USP13: variants seen among roughly 807,000 people sequenced by gnomAD.
The protein encoded by USP13 is ubiquitin specific peptidase 13, also known as ubiquitin carboxyl-terminal hydrolase 13.
USP13 carries 68 observed loss-of-function variants against 107.8 expected under a neutral mutation model. The observed-to-expected ratio is 0.63, with a 90% CI of 0.52 to 0.77. The LOEUF (loss-of-function observed/expected upper bound fraction) is 0.77. Ranked by LOEUF, USP13 falls within the 30% of genes least tolerant of loss-of-function variation. USP13 has a pLI of 0.00. For synonymous variants in USP13, 377 were observed against 389.5 expected (o/e 0.97, Z 0.38); for missense variants, 945 against 1,093.3 (o/e 0.86, Z 1.91).
chr3:179,704,570 A>G (rs1026113120), intron 4 of USP13, among the ~76,000 whole-genome samples: 1 of 152,130 alleles, frequency 6.6e-6, no homozygotes, highest in African/African-American at 2.4e-5. Flanking sequence ...TGGGCTACTC[A>G]CAGTCAGGAA....
In USP13 at chr3:179,760,408, C is replaced by G. The variant is rs1335652321; in HGVS notation, c.1949-704C>G. On this transcript the variant is annotated intron_variant, in intron 16 of 20. Coordinates refer to ENST00000263966, the MANE Select transcript of USP13 (RefSeq NM_003940.3). ...ATGCCATTCTCCTGCCTCAGCCTCC[C>G]GAGTAGCTGGGATTACAGGTGCCCA... 2.6e-5 allele frequency among the ~76,000 whole-genome samples: 4 copies of G among 151,702 alleles called. No homozygotes were observed. In the South Asian group the frequency reaches 8.3e-4, roughly 32 times the overall value.
intron 3 of USP13, 146 bp from the exon 4 acceptor site, chr3:179,700,858 TGGAC>T: frequency 1.2e-6 from 1 of 864,860 alleles, no homozygotes; most frequent in Non-Finnish European, 1.7e-6. Flanking sequence ...TGAGGACAGA[TGGAC>T]GGCCCTGTCA....
At position 179,740,330 on chromosome 3, in the gene USP13, A is replaced by G. The variant is rs1419432703; in HGVS notation, c.1338A>G (p.Gln446=). The G allele has an allele frequency of 2.5e-6, 4 of 1,614,166 alleles. No homozygotes were observed. The highest frequency in any genetic ancestry group is 3.4e-6 in the Non-Finnish European group (4 of 1,180,030). The change falls in exon 11 of 21, where the codon CAA becomes CAG. Residue 446 remains glutamine, a synonymous_variant. Transcript: ENST00000263966. ...SHPEFSSNRQ[Q]DAQEFFLHLV... ...CGGAATTCTCCTCTAACAGGCAGCA[A>G]GATGCCCAGGAATTCTTCTTGCACC...
chr3:179,685,651 A>G (rs1711844932), intron 2 of USP13, among the ~76,000 whole-genome samples: 1 of 151,928 alleles, frequency 6.6e-6, no homozygotes, highest in Non-Finnish European at 1.5e-5. Context: ...AAAAAAAGAA[A>G]GAAACAGAGG....
intron 19 of USP13, among the ~76,000 whole-genome samples, chr3:179,776,424 G>A (rs73885944): frequency 0.013 from 2,008 of 152,208 alleles, 52 homozygotes; most frequent in African/African-American, 0.047. Context: ...TTTTTAAACA[G>A]TCCTTTCTCA....
At chr3:179,731,873 G>A (rs1310673001) in intron 10 of USP13, among the ~76,000 whole-genome samples, 1 of 152,162 alleles carries the variant, frequency 6.6e-6, no homozygotes, top group African/African-American at 2.4e-5. Context: ...TGTCTCAAGT[G>A]TTTATCTTAA....
At chr3:179,682,073 A>C in intron 2 of USP13, 70 bp downstream of exon 2, 176 of 1,513,696 alleles carry the variant, frequency 1.2e-4, no homozygotes, top group Non-Finnish European at 1.4e-4. Context: ...GTGCTTTCTC[A>C]CGTGGAAATT....
At chr3:179,671,793 G>A (rs1340768828) in intron 1 of USP13, among the ~76,000 whole-genome samples, 2 of 152,006 alleles carry the variant, frequency 1.3e-5, no homozygotes, top group Non-Finnish European at 2.9e-5. Flanking sequence ...CGGTGTTCTG[G>A]TCTTCTTGGC....
intron 6 of USP13, among the ~76,000 whole-genome samples, chr3:179,714,817 T>C (rs909763973): frequency 6.6e-6 from 1 of 152,152 alleles, no homozygotes; most frequent in East Asian, 1.9e-4. Flanking sequence ...TTTCCTTTCC[T>C]GACTACAGTC....
chr3:179,774,894 T>C (rs150860878), intron 19 of USP13, among the ~76,000 whole-genome samples: 65 of 152,236 alleles, frequency 4.3e-4, no homozygotes, highest in Non-Finnish European at 5.3e-4. Context: ...AGACACAGAG[T>C]GCTGATTGGT....
Position 179,776,385 on chromosome 3 carries a change from C to A in USP13, c.2414-5354C>A, listed in dbSNP as rs368998384. Among the ~76,000 whole-genome samples, 124 of 152,270 alleles carry A rather than the reference C, an allele frequency of 8.1e-4. 2 individuals carry two copies. The South Asian group carries it at 0.025, about 31-fold the overall frequency. ...GACATTGAAAGGGTATGCTGCCCAC[C>A]TCTTTTACCTTCCAAGTTTCATAAA... On this transcript the variant is annotated intron_variant, in intron 19 of 20. Transcript: ENST00000263966.
Position 179,761,150 on chromosome 3 carries a change from G to T in USP13, c.1987G>T (p.Glu663Ter). 1 of 1,614,190 alleles carries T rather than the reference G, an allele frequency of 6.2e-7. No homozygotes were observed. Among genetic ancestry groups the T allele is most frequent in the Non-Finnish European group, 8.5e-7 (1 of 1,180,044 alleles). ...IDESSVMQLA[E>*]MGFPLEACRK... ...TGAGTCATCAGTGATGCAGCTGGCCGAGATGGGTTTCCCGCTGGAAGCATG... is the reference window on the plus strand; with the variant it reads ...TGAGTCATCAGTGATGCAGCTGGCCTAGATGGGTTTCCCGCTGGAAGCATG... Residue 663 changes from glutamate (E) to a stop codon, truncating the protein, a stop_gained, in exon 17 of 21, where the codon GAG becomes TAG. Transcript: ENST00000263966. LOFTEE classifies it high-confidence loss of function.
chr3:179,729,445 C>G (rs1365706870), intron 8 of USP13, among the ~76,000 whole-genome samples: 1 of 152,134 alleles, frequency 6.6e-6, no homozygotes, highest in Non-Finnish European at 1.5e-5. Flanking sequence ...TAAGTCGAGT[C>G]TTGTCCCTAA....
intron 1 of USP13, among the ~76,000 whole-genome samples, chr3:179,676,547 T>C (rs1297178280): frequency 1.3e-5 from 2 of 152,158 alleles, no homozygotes; most frequent in Non-Finnish European, 2.9e-5. Context: ...GAGACAGTTA[T>C]CCACATAGAC....
chr3:179,721,611 C>T lies in USP13; in HGVS notation c.1088+22C>T, dbSNP rs577803825. ...GAGCGTAAGTGCCTTCCATGCAGAC[C>T]AGGGCACGCGGCACCTCCCTGCCCC... On this transcript the variant is annotated intron_variant, in intron 8 of 20. Coordinates refer to ENST00000263966, the MANE Select transcript of USP13 (RefSeq NM_003940.3). The surrounding 1 kb of genome is among the most constrained non-coding windows in gnomAD (Gnocchi z 4.3). 7 of 1,609,578 alleles carry T rather than the reference C, an allele frequency of 4.3e-6. No individual in the cohort carries two copies. In the South Asian group the frequency reaches 4.4e-5, roughly 10 times the overall value.
chr3:179,758,744 C>G (rs1389694242), intron 16 of USP13, among the ~76,000 whole-genome samples: 1 of 152,062 alleles, frequency 6.6e-6, no homozygotes, highest in Admixed American at 6.5e-5. Context: ...GTGATCCACC[C>G]GCCTCGGCCT....
chr3:179,668,317 G>T (rs1015648894), intron 1 of USP13, among the ~76,000 whole-genome samples: 13 of 152,110 alleles, frequency 8.5e-5, no homozygotes, highest in East Asian at 7.7e-4. Flanking sequence ...AATATTTCTG[G>T]TTTTTTCTTA....
At chr3:179,681,688 T>C (rs751197455) in intron 1 of USP13, among the ~76,000 whole-genome samples, 190 bp from the exon 2 acceptor site, 12 of 151,470 alleles carry the variant, frequency 7.9e-5, no homozygotes, top group Non-Finnish European at 1.5e-4. Context: ...TAAAATGGAG[T>C]CTGTCCGGCT....
intron 3 of USP13, among the ~76,000 whole-genome samples, chr3:179,700,715 C>G (rs1371922021): frequency 6.6e-6 from 1 of 152,154 alleles, no homozygotes; most frequent in Non-Finnish European, 1.5e-5. Flanking sequence ...CTGAGAAATT[C>G]CTTCTGAGAA....
Sources: allele counts gnomAD v4.1 joint callset (sites outside exome capture counted in the v4.1 genomes callset), GRCh38; gene constraint gnomAD v4.1.1; non-coding constraint Gnocchi (gnomAD v3.1); transcripts MANE v1.5; gene names NCBI Gene and HGNC (gene_info 2026-07-23, HGNC 2026-07-21).